The following FBXL13 variants were observed in gnomAD, a reference collection of about 807,000 sequenced individuals.
FBXL13 encodes F-box and leucine rich repeat protein 13.
Under a neutral mutation model 83.6 loss-of-function variants are expected in FBXL13, and 67 were observed. The ratio of observed to expected loss-of-function variants is 0.80; its 90% CI spans 0.66 to 0.98. The LOEUF (loss-of-function observed/expected upper bound fraction) is 0.98. Among genes scored for constraint, FBXL13 ranks in the 50% least tolerant of loss-of-function variants. FBXL13 has a pLI of 0.00. For synonymous variants in FBXL13, 272 were observed against 299.5 expected, an observed-to-expected ratio of 0.91 and a Z score of 0.95; for missense variants, 822 against 866.5, an observed-to-expected ratio of 0.95 and a Z score of 0.64.
intron 8 of FBXL13, chr7:102,944,879 T>G (rs972603085): frequency 6.1e-6 from 2 of 329,954 alleles, no homozygotes; most frequent in Non-Finnish European, 1.1e-5. Context: ...GGCATTAGAC[T>G]TTCATAATGT....
chr7:102,933,774 C>A, intron 8 of FBXL13: 1 of 796,762 alleles, frequency 1.3e-6, no homozygotes, highest in Non-Finnish European at 2.0e-6. Context: ...TCTCTTCCAG[C>A]CTAGGGACTC....
intron 6 of FBXL13, among the ~76,000 whole-genome samples, chr7:103,016,317 T>TGG (rs201076740): frequency 3.3e-4 from 15 of 45,916 alleles, no homozygotes; most frequent in East Asian, 8.7e-4. Context: ...AACAGAAATG[T>TGG]GGGGGGGGTG....
intron 5 of FBXL13, among the ~76,000 whole-genome samples, chr7:103,026,515 T>C (rs944306589): frequency 2.0e-5 from 3 of 152,164 alleles, no homozygotes; most frequent in South Asian, 2.1e-4. Flanking sequence ...ACTGGTAACA[T>C]TGAAAAGGTA....
intron 4 of FBXL13, among the ~76,000 whole-genome samples, 184 bp downstream of exon 5, chr7:103,028,416 A>G (rs548998483): frequency 6.6e-6 from 1 of 152,338 alleles, no homozygotes; most frequent in African/African-American, 2.4e-5. Flanking sequence ...CTATTAAAAT[A>G]AAATCCTTTG....
chr7:102,912,750 C>T (rs1170776080), intron 11 of FBXL13, among the ~76,000 whole-genome samples: 1 of 135,092 alleles, frequency 7.4e-6, no homozygotes, highest in Non-Finnish European at 1.5e-5. Flanking sequence ...TCCCTCAAAA[C>T]ATTCTCTTTG....
exon 20 of FBXL13, chr7:102,813,509 A>T: frequency 6.2e-7 from 1 of 1,614,016 alleles, no homozygotes; most frequent in African/African-American, 1.3e-5. Flanking sequence ...TGAACTTTAG[A>T]TGACATTCTT....
intron 6 of FBXL13, among the ~76,000 whole-genome samples, chr7:103,016,898 G>A (rs939252605): frequency 1.3e-5 from 2 of 152,180 alleles, no homozygotes; most frequent in Admixed American, 6.5e-5. Flanking sequence ...CACCTCTAGG[G>A]GCAGGGCATA....
intron 17 of FBXL13, among the ~76,000 whole-genome samples, chr7:102,834,079 AGG>A (rs1801267525): frequency 3.4e-5 from 4 of 118,120 alleles, no homozygotes; most frequent in Admixed American, 1.7e-4. Flanking sequence ...GAAGGAAGGA[AGG>A]AAAGAAAAGA....
chr7:102,916,462 T>A (rs1815886504), intron 10 of FBXL13, among the ~76,000 whole-genome samples: 1 of 152,166 alleles, frequency 6.6e-6, no homozygotes, highest in Non-Finnish European at 1.5e-5. Flanking sequence ...CTTTTCACAG[T>A]GGAACCTCAT....
chr7:102,950,952 C>G (rs1421961394), intron 8 of FBXL13, among the ~76,000 whole-genome samples: 1 of 152,070 alleles, frequency 6.6e-6, no homozygotes, highest in Non-Finnish European at 1.5e-5. Flanking sequence ...GTAAATTTGT[C>G]CAAACTCATA....
exon 12 of FBXL13, chr7:102,884,281 T>C (rs1021855460): frequency 6.2e-7 from 1 of 1,613,724 alleles, no homozygotes; most frequent in African/African-American, 1.3e-5. Flanking sequence ...AGTGCAGCTG[T>C]TTGCAATGTA....
At chr7:102,939,629 T>C (rs749420694) in intron 8 of FBXL13, 1 of 1,541,018 alleles carries the variant, frequency 6.5e-7, no homozygotes, top group South Asian at 1.3e-5. Flanking sequence ...GCAAGTGTTC[T>C]GTGATTTTTT....
At chr7:102,859,721 C>A (rs1390549602) in intron 16 of FBXL13, among the ~76,000 whole-genome samples, 1 of 152,146 alleles carries the variant, frequency 6.6e-6, no homozygotes, top group Non-Finnish European at 1.5e-5. Flanking sequence ...GCTGTGGCAT[C>A]ACTGCAATGG....
At chr7:103,019,822 C>A (rs1792904166) in intron 6 of FBXL13, among the ~76,000 whole-genome samples, 2 of 152,106 alleles carry the variant, frequency 1.3e-5, no homozygotes, top group Admixed American at 1.3e-4. Flanking sequence ...GAAACTGAGG[C>A]AATAATTAAA....
intron 17 of FBXL13, among the ~76,000 whole-genome samples, chr7:102,848,457 G>A (rs1804530664): frequency 2.1e-5 from 2 of 93,880 alleles, no homozygotes; most frequent in South Asian, 3.6e-4. Context: ...TCGGGAGGCT[G>A]AGGCAGGAGA....
chr7:102,941,991 T>C (rs1261943801), intron 8 of FBXL13, among the ~76,000 whole-genome samples: 1 of 152,202 alleles, frequency 6.6e-6, no homozygotes, highest in Non-Finnish European at 1.5e-5. Context: ...TTCCCATAAT[T>C]GCAGGGATTC....
At chr7:102,869,019 T>C (rs1415081694) in intron 16 of FBXL13, among the ~76,000 whole-genome samples, 1 of 152,226 alleles carries the variant, frequency 6.6e-6, no homozygotes, top group Admixed American at 6.5e-5. Context: ...CCAGAACATA[T>C]GATAGTTCTA....
At chr7:102,811,544 GC>G (rs1008142515), downstream of FBXL13, among the ~76,000 whole-genome samples, 2 of 152,200 alleles carry the variant, frequency 1.3e-5, no homozygotes, top group African/African-American at 2.4e-5. Context: ...TACTCAAAGA[GC>G]TTTGGAGCAA....
Position 103,071,158 on chromosome 7 carries a change from G to T in FBXL13, c.-105+3088C>A, listed in dbSNP as rs531942532. ...GATCCAAACTTGAGCTCAAAAAGAAGAAAATGGGGAAAAAGCAGAAGAGAT... is the reference window on the plus strand; with the variant it reads ...GATCCAAACTTGAGCTCAAAAAGAATAAAATGGGGAAAAAGCAGAAGAGAT... On this transcript the variant is annotated intron_variant, in intron 1 of 19. Coordinates refer to ENST00000313221, the Ensembl canonical transcript of FBXL13. 1.3e-4 allele frequency among the ~76,000 whole-genome samples: 19 copies of T among 151,260 alleles called. No homozygotes were observed. The South Asian group carries it at 4.0e-3, about 31-fold the overall frequency.
Sources: gnomAD v4.1 joint callset for allele counts (sites outside exome capture counted in the v4.1 genomes callset) on GRCh38, gnomAD v4.1.1 for gene constraint, MANE v1.5 for transcripts, NCBI Gene and HGNC (gene_info 2026-07-23, HGNC 2026-07-21) for gene names.